USP6NL: variants seen among roughly 807,000 people sequenced by gnomAD.
USP6NL encodes the protein USP6 N-terminal-like protein.
Under a neutral mutation model 61.9 loss-of-function variants are expected in USP6NL, and 26 were observed. The observed-to-expected ratio is 0.42, with a 90% CI of 0.31 to 0.58. The LOEUF is 0.58. Ranked by LOEUF, USP6NL falls within the 20% of genes least tolerant of loss-of-function variation. USP6NL has a pLI of 0.16. For synonymous variants in USP6NL, 432 were observed against 390.1 expected, an observed-to-expected ratio of 1.11 and a Z score of -1.27; for missense variants, 1,114 against 1,034.3, an observed-to-expected ratio of 1.08 and a Z score of -1.06.
Position 11,511,987 on chromosome 10 carries a change from A to T in USP6NL, c.196-2312T>A, listed in dbSNP as rs1046160190. 5.3e-5 allele frequency among the ~76,000 whole-genome samples: 8 copies of T among 152,146 alleles called. No homozygotes were observed. The highest frequency in any genetic ancestry group is 7.4e-5 in the Non-Finnish European group (5 of 68,022). On this transcript the variant is annotated intron_variant, in intron 5 of 14. Coordinates refer to ENST00000609104, the MANE Select transcript of USP6NL (RefSeq NM_014688.5). This position sits in a 1 kb window ranked among gnomAD's most constrained non-coding sequence, Gnocchi z 4.9. ...GTCTCTTTCCCCCAATCATGAATCT[A>T]TAATTCATAGATGAAATATACTTTC...
At chr10:11,607,739 C>T (rs1266249101) in intron 1 of USP6NL, among the ~76,000 whole-genome samples, 2 of 152,152 alleles carry the variant, frequency 1.3e-5, no homozygotes, top group Non-Finnish European at 2.9e-5. Flanking sequence ...ATCTACATAA[C>T]ATTACTAACA....
intron 7 of USP6NL, 65 bp downstream of exon 7, chr10:11,501,036 G>A: frequency 7.9e-7 from 1 of 1,258,290 alleles, no homozygotes; most frequent in Non-Finnish European, 1.1e-6. Context: ...ATGTCACCTT[G>A]AATGCTAAAA....
At chr10:11,607,674 A>G (rs1838753573) in intron 1 of USP6NL, among the ~76,000 whole-genome samples, 1 of 152,212 alleles carries the variant, frequency 6.6e-6, no homozygotes, top group East Asian at 1.9e-4. Flanking sequence ...TGACAGGGTG[A>G]GACCCTGTCA....
Position 11,537,236 on chromosome 10 carries a change from T to G in USP6NL, c.5-9669A>C, listed in dbSNP as rs992295003. Reference sequence around the variant, plus strand: ...CCTCCCACCTCAGCCTCCTGAGTCCTAAGTAGCTGGGACTACAGGCGCATG... The same window carrying G: ...CCTCCCACCTCAGCCTCCTGAGTCCGAAGTAGCTGGGACTACAGGCGCATG... On this transcript the variant is annotated intron_variant, in intron 2 of 14. Transcript: ENST00000609104. This position sits in a 1 kb window ranked among gnomAD's most constrained non-coding sequence, Gnocchi z 5.1. 2.0e-5 allele frequency among the ~76,000 whole-genome samples: 3 copies of G among 152,122 alleles called. No homozygotes were observed. The highest frequency in any genetic ancestry group is 7.2e-5 in the African/African-American group (3 of 41,418).
In USP6NL at chr10:11,600,112, ACTTT is replaced by A. The variant is rs1335950372; in HGVS notation, c.-83-2399_-83-2396del. 6.6e-6 allele frequency among the ~76,000 whole-genome samples: 1 copy of A among 152,180 alleles called. No individual in the cohort carries two copies. Among genetic ancestry groups the A allele is most frequent in the Non-Finnish European group, 1.5e-5 (1 of 68,034 alleles). On this transcript the variant is annotated intron_variant, in intron 1 of 14. Transcript: ENST00000609104. This position sits in a 1 kb window ranked among gnomAD's most constrained non-coding sequence, Gnocchi z 4.1. ...ACAGAGGTGAAAGAAGAAAAACCTT[ACTTT>A]CTGTTTTTCACACCATCCAACAGGG...
At chr10:11,552,857 GCA>G (rs1836544748) in intron 2 of USP6NL, among the ~76,000 whole-genome samples, 2 of 152,168 alleles carry the variant, frequency 1.3e-5, no homozygotes, top group African/African-American at 4.8e-5. Flanking sequence ...GTGGGTACCA[GCA>G]CAGTTTTGCT....
chr10:11,508,721 G>A (rs752185920), intron 6 of USP6NL, among the ~76,000 whole-genome samples: 6 of 152,216 alleles, frequency 3.9e-5, no homozygotes, highest in Non-Finnish European at 7.3e-5. Flanking sequence ...GGAGCTCTGT[G>A]CTGCACAACC....
chr10:11,592,999 A>T lies in USP6NL; in HGVS notation c.4+4632T>A, dbSNP rs550045613. Among the ~76,000 whole-genome samples, 4 of 152,352 alleles carry T rather than the reference A, an allele frequency of 2.6e-5. No individual in the cohort carries two copies. Among genetic ancestry groups the T allele is most frequent in the African/African-American group, 9.6e-5 (4 of 41,574 alleles). On this transcript the variant is annotated intron_variant, in intron 2 of 14. Coordinates refer to ENST00000609104, the MANE Select transcript of USP6NL (RefSeq NM_014688.5). The surrounding 1 kb of genome is among the most constrained non-coding windows in gnomAD (Gnocchi z 4.7). ...ACACCCCAAATTACTCACTGCCATT[A>T]TTCTTCCTCAGGTGAATGAGAAACA...
At chr10:11,608,024 C>A (rs1019159132) in intron 1 of USP6NL, among the ~76,000 whole-genome samples, 1 of 152,118 alleles carries the variant, frequency 6.6e-6, no homozygotes, top group Non-Finnish European at 1.5e-5. Context: ...TGTAGGCAAA[C>A]GAAAACTACT....
intron 2 of USP6NL, chr10:11,573,758 T>C (rs2133580032): frequency 2.5e-6 from 1 of 397,980 alleles, no homozygotes; most frequent in Non-Finnish European, 4.4e-6. Flanking sequence ...CATTTCTGCT[T>C]TCAGAAAGCT....
intron 2 of USP6NL, among the ~76,000 whole-genome samples, chr10:11,579,504 C>T (rs184811262): frequency 6.6e-6 from 1 of 152,324 alleles, no homozygotes; most frequent in African/African-American, 2.4e-5. Flanking sequence ...TCCCTGAATA[C>T]AACACCATTG....
At position 11,541,000 on chromosome 10, in the gene USP6NL, G is replaced by GT. The variant is rs1337117563; in HGVS notation, c.5-13434dup. Among the ~76,000 whole-genome samples, 1 of 143,198 alleles carries GT rather than the reference G, an allele frequency of 7.0e-6. No homozygotes were observed. Among genetic ancestry groups the GT allele is most frequent in the African/African-American group, 2.5e-5 (1 of 40,652 alleles). The allele number at this position is 143,198 out of a possible 152,430, so 93.9% of individuals were successfully genotyped here. A position where few individuals can be genotyped will look rare whatever the true frequency, so the allele number is the denominator to read the frequency against. On this transcript the variant is annotated intron_variant, in intron 2 of 14. Coordinates refer to ENST00000609104, the MANE Select transcript of USP6NL (RefSeq NM_014688.5). This position sits in a 1 kb window ranked among gnomAD's most constrained non-coding sequence, Gnocchi z 5.0. ...AAGTGTCACTCATTCAATCATTTTT[G>GT]TAAGGTACCCTAAGCTCCAAGCACA...
At chr10:11,505,445 T>C (rs1653499385) in intron 6 of USP6NL, among the ~76,000 whole-genome samples, 1 of 152,166 alleles carries the variant, frequency 6.6e-6, no homozygotes, top group African/African-American at 2.4e-5. Context: ...GGTAACTAGC[T>C]CAAAAGAAAC....
chr10:11,565,811 T>C (rs951742272), intron 2 of USP6NL, among the ~76,000 whole-genome samples: 4 of 152,168 alleles, frequency 2.6e-5, no homozygotes, highest in African/African-American at 9.7e-5. Flanking sequence ...AGTACATTTC[T>C]AATGCTGACA....
intron 2 of USP6NL, among the ~76,000 whole-genome samples, chr10:11,580,134 C>T (rs761580334): frequency 3.5e-5 from 5 of 143,782 alleles, no homozygotes; most frequent in Non-Finnish European, 6.2e-5. Context: ...AGTTGACAAA[C>T]CCTGCCCCAG....
intron 2 of USP6NL, among the ~76,000 whole-genome samples, chr10:11,539,193 C>T (rs934064148): frequency 6.6e-6 from 1 of 152,200 alleles, no homozygotes; most frequent in Non-Finnish European, 1.5e-5. Flanking sequence ...GGTCTGGTCT[C>T]TCTAATGGGC....
At chr10:11,579,271 A>G (rs750310768) in intron 2 of USP6NL, among the ~76,000 whole-genome samples, 9 of 152,232 alleles carry the variant, frequency 5.9e-5, no homozygotes, top group Non-Finnish European at 1.3e-4. Context: ...TAACATCAGA[A>G]TACCATATGG....
intron 14 of USP6NL, among the ~76,000 whole-genome samples, chr10:11,467,119 G>A (rs774107209): frequency 3.3e-5 from 5 of 152,082 alleles, no homozygotes; most frequent in Non-Finnish European, 2.9e-5. Flanking sequence ...TGAACACCAC[G>A]CTACCAATGC....
chr10:11,606,644 G>GT (rs1838713897), intron 1 of USP6NL, among the ~76,000 whole-genome samples: 1 of 152,034 alleles, frequency 6.6e-6, no homozygotes, highest in Admixed American at 6.5e-5. Flanking sequence ...ATATTAAAAT[G>GT]TAAGTGAACA....
Sources: allele counts gnomAD v4.1 joint callset (sites outside exome capture counted in the v4.1 genomes callset), GRCh38; gene constraint gnomAD v4.1.1; non-coding constraint Gnocchi (gnomAD v3.1); transcripts MANE v1.5; gene names NCBI Gene and HGNC (gene_info 2026-07-23, HGNC 2026-07-21).